Variants in ABHD4 observed in about 807,000 individuals in gnomAD.
ABHD4 encodes the protein (Lyso)-N-acylphosphatidylethanolamine lipase.
In ABHD4, 35 loss-of-function variants were observed where a neutral mutation model predicts 42.3. The ratio of observed to expected loss-of-function variants is 0.83; its 90% confidence interval spans 0.63 to 1.10. ABHD4 has a LOEUF of 1.10. Among genes scored for constraint, ABHD4 ranks in the 50% least tolerant of loss-of-function variants. ABHD4 has a pLI of 0.00. For missense variants in ABHD4, 389 were observed against 454.8 expected, an observed-to-expected ratio of 0.86 and a Z score of 1.32; for synonymous variants, 169 against 170.6, an observed-to-expected ratio of 0.99 and a Z score of 0.07.
At chr14:22,600,831 G>GGGTGTGT (rs1425183297) in intron 1 of ABHD4, among the ~76,000 whole-genome samples, 4 of 65,224 alleles carry the variant, frequency 6.1e-5, no homozygotes, top group East Asian at 3.1e-4. Context: ...CCAGCAGGGG[G>GGGTGTGT]GTGTGTGTGT....
Position 22,603,668 on chromosome 14 carries a change from T to C in ABHD4, c.391T>C (p.Trp131Arg), listed in dbSNP as rs778231906. 2.5e-6 allele frequency: 4 copies of C among 1,613,812 alleles called. No homozygotes were observed. In the East Asian group the frequency reaches 8.9e-5, roughly 36 times the overall value. ...EDEFVTSIET[W>R]RETMGIPSMI... is the part of the protein sequence containing the mutation. ...TGAGTTTGTGACATCGATAGAGACATGGCGGGAGACCATGGGGATCCCCAG... is the reference window on the plus strand; with the variant it reads ...TGAGTTTGTGACATCGATAGAGACACGGCGGGAGACCATGGGGATCCCCAG... Residue 131 changes from tryptophan to arginine, a missense_variant, in exon 3 of 7, where the codon TGG becomes CGG. Transcript: ENST00000428304.
intron 2 of ABHD4, 96 bp from the exon 3 acceptor site, chr14:22,603,294 G>T: frequency 6.7e-7 from 1 of 1,496,806 alleles, no homozygotes; most frequent in African/African-American, 1.4e-5. Flanking sequence ...GGGAGGGTTC[G>T]GGAATGGAGA....
At chr14:22,605,200 A>G (rs2037335411) in intron 4 of ABHD4, among the ~76,000 whole-genome samples, 1 of 152,172 alleles carries the variant, frequency 6.6e-6, no homozygotes, top group Admixed American at 6.5e-5. Flanking sequence ...TAGTATCAAT[A>G]TCTCCAGCCT....
chr14:22,610,784 A>T, intron 6 of ABHD4, 75 bp from the exon 7 acceptor site: 2 of 1,219,972 alleles, frequency 1.6e-6, no homozygotes, highest in Non-Finnish European at 1.2e-6. Flanking sequence ...GTCTAAGGGG[A>T]AAAGAAATAG....
chr14:22,598,596 T>G, intron 1 of ABHD4: 2 of 833,658 alleles, frequency 2.4e-6, no homozygotes, highest in Non-Finnish European at 1.9e-6. Flanking sequence ...GTGCCCCTCA[T>G]TCTCCTCTGG....
At chr14:22,602,630 C>T (rs1054448024) in intron 2 of ABHD4, among the ~76,000 whole-genome samples, 3 of 152,196 alleles carry the variant, frequency 2.0e-5, no homozygotes, top group Admixed American at 1.3e-4. Flanking sequence ...GGTTCAAGAG[C>T]AATAGATGCA....
chr14:22,602,029 C>T (rs1343053336), intron 2 of ABHD4, among the ~76,000 whole-genome samples: 1 of 152,166 alleles, frequency 6.6e-6, no homozygotes, highest in African/African-American at 2.4e-5. Flanking sequence ...GGCTAACACA[C>T]ACAAACACGT....
At chr14:22,605,146 G>A (rs1348081483) in intron 4 of ABHD4, among the ~76,000 whole-genome samples, 2 of 152,160 alleles carry the variant, frequency 1.3e-5, no homozygotes, top group African/African-American at 2.4e-5. Context: ...TGGGTAAAAG[G>A]GAGAAAAGGA....
chr14:22,608,946 C>A (rs970425960), intron 5 of ABHD4, among the ~76,000 whole-genome samples: 1 of 151,768 alleles, frequency 6.6e-6, no homozygotes, highest in Non-Finnish European at 1.5e-5. Flanking sequence ...GTGATCTGCC[C>A]GCATCAGCCT....
rs765194906 is a variant in ABHD4, at chr14:22,610,850, T to C, written c.940-9T>C. The C allele has an allele frequency of 6.2e-7, 1 of 1,611,324 alleles. No homozygotes were observed. Among genetic ancestry groups the C allele is most frequent in the Non-Finnish European group, 8.5e-7 (1 of 1,177,690 alleles). On this transcript the variant is annotated splice_polypyrimidine_tract_variant and intron_variant, in intron 6 of 6. Coordinates refer to ENST00000428304, the MANE Select transcript of ABHD4 (RefSeq NM_022060.3). ...GGCCATCCCACCCCTGCGGGTTCTC[T>C]CTCCACAGGAGATTAAGGGTGCCTC...
chr14:22,600,633 C>G (rs563066411), intron 1 of ABHD4, among the ~76,000 whole-genome samples: 44 of 152,248 alleles, frequency 2.9e-4, no homozygotes, highest in East Asian at 5.8e-4. Flanking sequence ...TCCTGTAACT[C>G]AGGCAGAGTT....
intron 1 of ABHD4, among the ~76,000 whole-genome samples, chr14:22,600,382 CT>C (rs929426369): frequency 6.6e-6 from 1 of 152,198 alleles, no homozygotes; most frequent in African/African-American, 2.4e-5. Flanking sequence ...AGTTCTGGTT[CT>C]TTTTTTCTAA....
intron 1 of ABHD4, among the ~76,000 whole-genome samples, chr14:22,599,358 G>A (rs773710833): frequency 9.2e-5 from 14 of 152,100 alleles, no homozygotes; most frequent in African/African-American, 1.9e-4. Flanking sequence ...TAGAAATTAG[G>A]AGACTTGCCC....
At chr14:22,610,837 C>T (rs747247616) in intron 6 of ABHD4, 22 bp from the exon 7 acceptor site, 4 of 1,604,254 alleles carry the variant, frequency 2.5e-6, no homozygotes, top group Non-Finnish European at 2.6e-6. Context: ...CCATCCCACC[C>T]CTGCGGGTTC....
chr14:22,600,016 T>TG (rs2037263773), intron 1 of ABHD4: 1 of 294,040 alleles, frequency 3.4e-6, no homozygotes, highest in South Asian at 2.7e-5. Flanking sequence ...ATGATTTAGC[T>TG]GGGGGGAAAG....
At position 22,606,459 on chromosome 14, in the gene ABHD4, AC is replaced by A. The variant is rs565680365; in HGVS notation, c.679del (p.Arg227AlafsTer33). ...TGCAGCGATTCCGGCCGGACTTCAA[AC>A]GCAAGTTTGCAGACTTCTTTGAAGA... ...LVQRFRPDFK[R>X]KFADFFEDDT... On this transcript the variant is annotated frameshift_variant, in exon 5 of 7. Transcript: ENST00000428304. LOFTEE classifies it high-confidence loss of function. The A allele has an allele frequency of 1.1e-3, 1,782 of 1,613,552 alleles. 1 individual carries two copies. Among genetic ancestry groups the A allele is most frequent in the Non-Finnish European group, 1.3e-3 (1,554 of 1,179,832 alleles).
intron 1 of ABHD4, 78 bp from the exon 2 acceptor site, chr14:22,601,589 T>C (rs2037285690): frequency 7.2e-7 from 1 of 1,397,266 alleles, no homozygotes. Flanking sequence ...AGAACTCTTT[T>C]GTAACTCTCA....
Position 22,611,686 on chromosome 14 carries a change from G to C in ABHD4, c.*738G>C, listed in dbSNP as rs2037416718. On this transcript the variant is annotated 3_prime_UTR_variant, in exon 7 of 7. Transcript: ENST00000428304. ...CACCATTGCCATGGGGCTGGTCCTA[G>C]TCACTGGCCGAGGATAAGCCCGTCC... 2 of 152,806 alleles carry C rather than the reference G, an allele frequency of 1.3e-5. No individual in the cohort carries two copies. Among genetic ancestry groups the C allele is most frequent in the African/African-American group, 4.8e-5 (2 of 41,456 alleles). The allele number at this position is 152,806 out of a possible 1,614,324, so 9.5% of individuals were successfully genotyped here.
rs201273377 is a variant in ABHD4 at position 22,606,393 on chromosome 14, C to T, written c.641-29C>T. 6.5e-6 allele frequency: 10 copies of T among 1,549,238 alleles called. No individual in the cohort carries two copies. The East Asian group carries it at 1.6e-4, about 25-fold the overall frequency. On this transcript the variant is annotated intron_variant, in intron 4 of 6. Transcript: ENST00000428304. Reference sequence around the variant, plus strand: ...TTCCCTGCCCCACCTCCCAAATTGGCCTGTCTGTGTTTTTCTATCCCCTCC... The same window carrying T: ...TTCCCTGCCCCACCTCCCAAATTGGTCTGTCTGTGTTTTTCTATCCCCTCC...
Sources: allele counts gnomAD v4.1 joint callset (sites outside exome capture counted in the v4.1 genomes callset), GRCh38; gene constraint gnomAD v4.1.1; transcripts MANE v1.5; gene names NCBI Gene and HGNC (gene_info 2026-07-23, HGNC 2026-07-21).